Variants in MEGF9 observed in about 807,000 individuals in gnomAD.
MEGF9 encodes the protein multiple epidermal growth factor-like domains protein 9.
MEGF9 carries 6 observed loss-of-function variants against 46.8 expected under a neutral mutation model. The ratio of observed to expected loss-of-function variants is 0.13; its 90% CI spans 0.07 to 0.25. The LOEUF is 0.25. Among genes scored for constraint, MEGF9 ranks in the 10% least tolerant of loss-of-function variants. The pLI is 1.00. For missense variants in MEGF9, 683 were observed against 792.4 expected (o/e 0.86, Z 1.66); for synonymous variants, 302 against 330.7 (o/e 0.91, Z 0.94).
At chr9:120,609,842 G>A (rs2043437648) in intron 4 of MEGF9, among the ~76,000 whole-genome samples, 2 of 152,016 alleles carry the variant, frequency 1.3e-5, no homozygotes, top group African/African-American at 2.4e-5. Flanking sequence ...TGGAACTTGT[G>A]GCAATGAATC....
chr9:120,626,038 C>G (rs1465668217), intron 2 of MEGF9, among the ~76,000 whole-genome samples: 20 of 151,458 alleles, frequency 1.3e-4, no homozygotes, highest in Admixed American at 1.3e-3. Context: ...AGGCTGTGAA[C>G]AGACCACTTA....
At chr9:120,611,270 T>C (rs918653883) in intron 4 of MEGF9, among the ~76,000 whole-genome samples, 3 of 152,142 alleles carry the variant, frequency 2.0e-5, no homozygotes, top group Non-Finnish European at 4.4e-5. Flanking sequence ...AATGAAAATA[T>C]ATGTACATAC....
intron 2 of MEGF9, among the ~76,000 whole-genome samples, chr9:120,641,200 T>C (rs1052153751): frequency 6.6e-6 from 1 of 152,200 alleles, no homozygotes; most frequent in Admixed American, 6.5e-5. Flanking sequence ...ATAAACCTCT[T>C]AGAATCTTGG....
chr9:120,689,962 C>T (rs2043841221), intron 1 of MEGF9: 1 of 532,482 alleles, frequency 1.9e-6, no homozygotes, highest in Admixed American at 2.0e-5. Context: ...AGATTCATGA[C>T]TGGCTGTGTA....
intron 1 of MEGF9, among the ~76,000 whole-genome samples, chr9:120,675,279 T>C (rs573554232): frequency 9.0e-4 from 137 of 152,326 alleles, no homozygotes; most frequent in Non-Finnish European, 1.1e-3. Context: ...AGAATCTATG[T>C]CTGATCTATT....
chr9:120,710,759 A>G (rs1003861718), intron 1 of MEGF9, among the ~76,000 whole-genome samples: 1 of 152,254 alleles, frequency 6.6e-6, no homozygotes, highest in African/African-American at 2.4e-5. Flanking sequence ...TTTGCAAGCC[A>G]AACCAGTTGT....
At chr9:120,613,880 C>A (rs2043459799) in intron 3 of MEGF9, among the ~76,000 whole-genome samples, 3 of 152,014 alleles carry the variant, frequency 2.0e-5, no homozygotes, top group South Asian at 2.1e-4. Flanking sequence ...GTCTTGATTT[C>A]TTTTCCTTAC....
At chr9:120,666,595 T>C (rs2043726224) in intron 1 of MEGF9, among the ~76,000 whole-genome samples, 1 of 152,242 alleles carries the variant, frequency 6.6e-6, no homozygotes, top group Non-Finnish European at 1.5e-5. Context: ...GACAGTTTCT[T>C]ATAAAGTTAA....
At chr9:120,702,120 T>C (rs1186551117) in intron 1 of MEGF9, among the ~76,000 whole-genome samples, 1 of 152,168 alleles carries the variant, frequency 6.6e-6, no homozygotes, top group Non-Finnish European at 1.5e-5. Flanking sequence ...CAGCTCTCAA[T>C]TTTCAGCCTC....
rs777123525 is a variant in MEGF9 at position 120,605,729 on chromosome 9, T to A, written c.1358-88A>T. The A allele has an allele frequency of 6.5e-6, 6 of 929,158 alleles. No individual in the cohort carries two copies. The highest frequency in any genetic ancestry group is 9.7e-6 in the Non-Finnish European group (6 of 621,738). 57.6% of individuals were successfully genotyped at this position (929,158 alleles called of 1,614,324 possible). On this transcript the variant is annotated intron_variant, in intron 5 of 5. Coordinates refer to ENST00000373930, the MANE Select transcript of MEGF9 (RefSeq NM_001080497.3). The surrounding 1 kb of genome is among the most constrained non-coding windows in gnomAD (Gnocchi z 4.0). Reference sequence around the variant, plus strand: ...AAAGAAATACGCATGGGAGTGAATGTTGATGTAGGATGTTAACATGATATT... The same window carrying A: ...AAAGAAATACGCATGGGAGTGAATGATGATGTAGGATGTTAACATGATATT...
intron 3 of MEGF9, among the ~76,000 whole-genome samples, chr9:120,618,849 G>A (rs1433901067): frequency 6.6e-6 from 1 of 150,892 alleles, no homozygotes; most frequent in African/African-American, 2.4e-5. Flanking sequence ...GCAGTGAGCC[G>A]AGATCGTGCC....
At chr9:120,665,306 A>T (rs2043720194) in intron 1 of MEGF9, among the ~76,000 whole-genome samples, 2 of 152,028 alleles carry the variant, frequency 1.3e-5, no homozygotes, top group African/African-American at 4.8e-5. Flanking sequence ...CCCAGGTTCA[A>T]GCGATTCTCC....
At position 120,680,745 on chromosome 9, in the gene MEGF9, G is replaced by A. The variant is rs935893966; in HGVS notation, c.602-21170C>T. ...CTACTGTGGCTAAGCTGGCACTCGC[G>A]CCACAATACAAAGTCCTTCTCACTC... On this transcript the variant is annotated intron_variant, in intron 1 of 5. Transcript: ENST00000373930. 2.6e-5 allele frequency among the ~76,000 whole-genome samples: 4 copies of A among 152,070 alleles called. No individual in the cohort carries two copies. In the South Asian group the frequency reaches 6.2e-4, roughly 24 times the overall value.
At chr9:120,713,706 G>A in intron 1 of MEGF9, 52 bp downstream of exon 1, 3 of 1,265,444 alleles carry the variant, frequency 2.4e-6, no homozygotes, top group Non-Finnish European at 3.0e-6. Flanking sequence ...ACCCTAGATT[G>A]CCGGGGCTGA....
At chr9:120,680,662 T>C (rs114886186) in intron 1 of MEGF9, among the ~76,000 whole-genome samples, 2,528 of 152,218 alleles carry the variant, frequency 0.017, 62 homozygotes, top group African/African-American at 0.056. Context: ...TCCAGAGATG[T>C]TGTCTGGGAG....
chr9:120,617,454 G>A (rs2043477328), intron 3 of MEGF9, among the ~76,000 whole-genome samples: 1 of 152,166 alleles, frequency 6.6e-6, no homozygotes, highest in Non-Finnish European at 1.5e-5. Flanking sequence ...CTGTCAAACT[G>A]AAAGAAGGCC....
intron 1 of MEGF9, among the ~76,000 whole-genome samples, chr9:120,678,084 T>C (rs148606837): frequency 7.9e-4 from 121 of 152,300 alleles, no homozygotes; most frequent in Non-Finnish European, 1.4e-3. Flanking sequence ...CCTCTAGTTG[T>C]TGTTGTTGCA....
At position 120,714,089 on chromosome 9, in the gene MEGF9, G is replaced by A; in HGVS notation, c.270C>T (p.Pro90=). ...ACTGGGCTGGAGAAGTCGCAGCCAGGGGTCGGTGGACGGTGGCGCGCGGGG... is the reference window on the plus strand; with the variant it reads ...ACTGGGCTGGAGAAGTCGCAGCCAGAGGTCGGTGGACGGTGGCGCGCGGGG... ...TGPPRATVHR[P]LAATSPAQSP... Residue 90 remains proline, a synonymous_variant, in exon 1 of 6, where the codon CCC becomes CCT. Transcript: ENST00000373930. 1 of 1,258,182 alleles carries A rather than the reference G, an allele frequency of 7.9e-7. No homozygotes were observed. The highest frequency in any genetic ancestry group is 1.0e-6 in the Non-Finnish European group (1 of 1,001,204). The allele number at this position is 1,258,182 out of a possible 1,614,324, so 77.9% of individuals were successfully genotyped here. A position where few individuals can be genotyped will look rare whatever the true frequency, so the allele number is the denominator to read the frequency against.
intron 2 of MEGF9, among the ~76,000 whole-genome samples, chr9:120,631,076 C>A (rs1407097816): frequency 6.6e-6 from 1 of 152,182 alleles, no homozygotes; most frequent in Non-Finnish European, 1.5e-5. Flanking sequence ...TGAAACATTT[C>A]TTCTATGTTT....
Sources: allele counts gnomAD v4.1 joint callset (sites outside exome capture counted in the v4.1 genomes callset), GRCh38; gene constraint gnomAD v4.1.1; non-coding constraint Gnocchi (gnomAD v3.1); transcripts MANE v1.5; gene names NCBI Gene and HGNC (gene_info 2026-07-23, HGNC 2026-07-21).